The following CAPN7 variants were observed in gnomAD, a reference collection of about 807,000 sequenced individuals.
CAPN7 encodes the protein calpain-7.
In CAPN7, 72 loss-of-function variants were observed where a neutral mutation model predicts 115.2. The ratio of observed to expected loss-of-function variants is 0.63; its 90% confidence interval spans 0.52 to 0.76. The LOEUF (loss-of-function observed/expected upper bound fraction) is 0.76. Among genes scored for constraint, CAPN7 ranks in the 30% least tolerant of loss-of-function variants. CAPN7 has a pLI of 0.00. For missense variants in CAPN7, 905 were observed against 971.5 expected (o/e 0.93, Z 0.91); for synonymous variants, 344 against 322.3 (o/e 1.07, Z -0.72).
chr3:15,216,766 C>CA (rs1205595862), intron 2 of CAPN7, among the ~76,000 whole-genome samples: 3 of 152,040 alleles, frequency 2.0e-5, no homozygotes, highest in Non-Finnish European at 4.4e-5. Context: ...GGTAGAGGAG[C>CA]ATATGAGGAG....
At chr3:15,211,590 C>CA (rs200130864) in intron 1 of CAPN7, among the ~76,000 whole-genome samples, 23,939 of 141,380 alleles carry the variant, frequency 0.17, 2,318 homozygotes, top group East Asian at 0.48. Flanking sequence ...TTGAAAAAGC[C>CA]AAAAAAAAAA....
chr3:15,246,535 A>C, intron 17 of CAPN7, 197 bp from the exon 18 acceptor site: 1 of 553,026 alleles, frequency 1.8e-6, no homozygotes, highest in East Asian at 3.3e-5. Flanking sequence ...CCTGAGGCAT[A>C]CAGTTACTAG....
At chr3:15,247,763 A>C (rs2125014171) in intron 19 of CAPN7, among the ~76,000 whole-genome samples, 1 of 148,686 alleles carries the variant, frequency 6.7e-6, no homozygotes, top group East Asian at 1.9e-4. Context: ...ACCTCAAGAG[A>C]GGAAAGATTT....
intron 11 of CAPN7, 74 bp from the exon 12 acceptor site, chr3:15,234,951 A>G (rs571547434): frequency 8.5e-5 from 119 of 1,398,678 alleles, no homozygotes; most frequent in Non-Finnish European, 1.1e-4. Flanking sequence ...CCATTAGACT[A>G]AAAGATAAAA....
intron 18 of CAPN7, 92 bp from the exon 19 acceptor site, chr3:15,247,235 C>CTTTTTT: frequency 5.3e-6 from 4 of 748,190 alleles, no homozygotes; most frequent in African/African-American, 4.1e-5. Context: ...GGAAAATTGC[C>CTTTTTT]TTTTTTTTTT....
At chr3:15,206,945 C>T (rs886319151) in intron 1 of CAPN7, among the ~76,000 whole-genome samples, 2 of 152,174 alleles carry the variant, frequency 1.3e-5, no homozygotes, top group African/African-American at 4.8e-5. Flanking sequence ...CGGGAAATGG[C>T]CTGTGATATA....
chr3:15,214,119 A>G (rs1304906655), intron 2 of CAPN7, among the ~76,000 whole-genome samples: 1 of 152,068 alleles, frequency 6.6e-6, no homozygotes, highest in Non-Finnish European at 1.5e-5. Flanking sequence ...TGACCTCGTG[A>G]TCCACCCGCC....
At position 15,245,507 on chromosome 3, in the gene CAPN7, C is replaced by G. The variant is rs377223516; in HGVS notation, c.1865-19C>G. 6.2e-7 allele frequency: 1 copy of G among 1,602,126 alleles called. No homozygotes were observed. The highest frequency in any genetic ancestry group is 2.3e-5 in the East Asian group (1 of 44,408). On this transcript the variant is annotated intron_variant, in intron 16 of 20. Transcript: ENST00000253693. ...AAAGAAAAGTCTCCTTTTCTCTAAG[C>G]CTACTTGTTTGTTTGCAGCTGACCC...
intron 12 of CAPN7, among the ~76,000 whole-genome samples, chr3:15,237,429 A>G (rs927314605): frequency 5.5e-5 from 8 of 144,354 alleles, no homozygotes; most frequent in African/African-American, 2.4e-4. Context: ...TATATGGTGC[A>G]TGACTGTATA....
At chr3:15,210,315 CACAT>C (rs751095374) in intron 1 of CAPN7, among the ~76,000 whole-genome samples, 141 of 152,040 alleles carry the variant, frequency 9.3e-4, no homozygotes, top group African/African-American at 1.6e-3. Context: ...AATTAATAAT[CACAT>C]ACAAGATAAC....
rs111723882 is a variant in CAPN7, at chr3:15,246,780, A to G, written c.2059A>G (p.Thr687Ala). 1.2e-6 allele frequency: 2 copies of G among 1,604,328 alleles called. No individual in the cohort carries two copies. Among genetic ancestry groups the G allele is most frequent in the Non-Finnish European group, 1.7e-6 (2 of 1,174,548 alleles). The change falls in exon 18 of 21, where the codon ACC becomes GCC. Residue 687 changes from threonine (T) to alanine (A), a missense_variant. Around this residue, in one of 3 missense-constraint regions of CAPN7, gnomAD observed 620 missense variants for 703.4 expected, o/e 0.88. Transcript: ENST00000253693. ...FTFSKIPSPY[T>A]LSKRINGKWS... ...TTTTTCAAAGATTCCTTCACCATACACCTTATCAAAACGGGTGAGAAAATT... is the reference window on the plus strand; with the variant it reads ...TTTTTCAAAGATTCCTTCACCATACGCCTTATCAAAACGGGTGAGAAAATT...
intron 17 of CAPN7, 88 bp downstream of exon 17, chr3:15,245,759 A>AGG: frequency 9.1e-7 from 1 of 1,097,176 alleles, no homozygotes; most frequent in Non-Finnish European, 1.2e-6. Context: ...TCTGGAGAAA[A>AGG]AGTTTATTTC....
At chr3:15,238,079 A>G (rs1159325965) in intron 12 of CAPN7, among the ~76,000 whole-genome samples, 1 of 96,274 alleles carries the variant, frequency 1.0e-5, no homozygotes, top group Non-Finnish European at 2.4e-5. Flanking sequence ...TGCTACTTAT[A>G]TTTTGAAGTG....
chr3:15,242,103 T>G (rs899019667), intron 15 of CAPN7, 75 bp from the exon 16 acceptor site: 5 of 929,252 alleles, frequency 5.4e-6, no homozygotes, highest in Non-Finnish European at 8.3e-6. Flanking sequence ...AGCATTTTTT[T>G]GGAGAGATTT....
chr3:15,236,587 T>C (rs1360170405), intron 12 of CAPN7, among the ~76,000 whole-genome samples: 2 of 152,190 alleles, frequency 1.3e-5, no homozygotes, highest in Non-Finnish European at 2.9e-5. Context: ...AAGAAATGCA[T>C]TGTTAGGTGA....
chr3:15,214,371 T>C (rs2045126043), intron 2 of CAPN7, among the ~76,000 whole-genome samples: 1 of 152,188 alleles, frequency 6.6e-6, no homozygotes. Context: ...CTGCTGACAG[T>C]TAAGAGAATC....
chr3:15,231,873 C>T (rs1187504844), intron 9 of CAPN7, among the ~76,000 whole-genome samples: 2 of 152,264 alleles, frequency 1.3e-5, no homozygotes, highest in East Asian at 3.9e-4. Flanking sequence ...CTGATGACTT[C>T]CTCTGTTATT....
At position 15,206,577 on chromosome 3, in the gene CAPN7, G is replaced by T. The variant is rs1465828745; in HGVS notation, c.82G>T (p.Glu28Ter). The T allele has an allele frequency of 6.4e-7, 1 of 1,550,678 alleles. No individual in the cohort carries two copies. Among genetic ancestry groups the T allele is most frequent in the Non-Finnish European group, 8.7e-7 (1 of 1,147,320 alleles). Residue 28 changes from glutamate (E) to a stop codon, truncating the protein, a stop_gained, in exon 1 of 21, where the codon GAG (glutamate) becomes TAG (stop). Coordinates refer to ENST00000253693, the MANE Select transcript of CAPN7 (RefSeq NM_014296.3). LOFTEE classifies it high-confidence loss of function. ...GCGCGACCACGAAGGCCGCTACTCC[G>T]AGGCGGTGTTTTATTACAAGGTAGG... is the stretch of plus-strand genomic sequence containing the variant. ...VQRDHEGRYS[E>*]AVFYYKEAAQ...
At chr3:15,212,297 T>C in intron 2 of CAPN7, 85 bp downstream of exon 2, 1 of 698,242 alleles carries the variant, frequency 1.4e-6, no homozygotes, top group East Asian at 2.9e-5. Context: ...CTCTTCTTCA[T>C]TTTTATCTTT....
Sources: gnomAD v4.1 joint callset for allele counts (sites outside exome capture counted in the v4.1 genomes callset) on GRCh38, gnomAD v4.1.1 for gene constraint, gnomAD v4.1.1 regional missense constraint, MANE v1.5 for transcripts, NCBI Gene and HGNC (gene_info 2026-07-23, HGNC 2026-07-21) for gene names.